RPGRIP1L: variants seen among roughly 807,000 people sequenced by gnomAD.
RPGRIP1L encodes protein fantom.
RPGRIP1L carries 131 observed loss-of-function variants against 160.4 expected under a neutral mutation model. That is an observed-to-expected ratio of 0.82 (90% confidence interval 0.71 to 0.94). The LOEUF (loss-of-function observed/expected upper bound fraction) is 0.94, where lower values mean the gene tolerates loss of function less well. Ranked by LOEUF, RPGRIP1L falls within the 40% of genes least tolerant of loss-of-function variation. RPGRIP1L has a pLI of 0.00. For synonymous variants in RPGRIP1L, 510 were observed against 515.8 expected (o/e 0.99, Z 0.15); for missense variants, 1,522 against 1,535.8 (o/e 0.99, Z 0.15).
chr16:53,646,021 T>A lies in RPGRIP1L; in HGVS notation c.2305-18A>T. ...TGACTTAACTGGAAAAACATACATA[T>A]TTATATTAAGGAAATAACACAGTTA... On this transcript the variant is annotated intron_variant, in intron 16 of 26. Coordinates refer to ENST00000647211, the MANE Select transcript of RPGRIP1L (RefSeq NM_015272.5). 6.2e-7 allele frequency: 1 copy of A among 1,612,084 alleles called. No homozygotes were observed. Among genetic ancestry groups the A allele is most frequent in the Non-Finnish European group, 8.5e-7 (1 of 1,178,222 alleles).
intron 3 of RPGRIP1L, chr16:53,694,919 A>G (rs917396875): frequency 3.6e-5 from 6 of 165,586 alleles, no homozygotes; most frequent in African/African-American, 1.2e-4. Context: ...CATAGTGTTC[A>G]TTGGATCATT....
intron 26 of RPGRIP1L, chr16:53,605,273 G>T: frequency 1.6e-6 from 1 of 612,376 alleles, no homozygotes; most frequent in East Asian, 2.7e-5. Context: ...TTTTACAATT[G>T]CTGTTGATTC....
intron 25 of RPGRIP1L, among the ~76,000 whole-genome samples, chr16:53,608,580 C>T (rs903699231): frequency 6.6e-6 from 1 of 152,070 alleles, no homozygotes; most frequent in East Asian, 1.9e-4. Context: ...GCAAATATAG[C>T]ATGGGGTGGC....
intron 26 of RPGRIP1L, chr16:53,605,251 C>T (rs1316485555): frequency 1.7e-6 from 1 of 602,632 alleles, no homozygotes; most frequent in African/African-American, 1.9e-5. Context: ...CCTTGTGAAG[C>T]TAAATTAATT....
intron 22 of RPGRIP1L, among the ~76,000 whole-genome samples, chr16:53,629,319 T>TG (rs1965368653): frequency 6.6e-6 from 1 of 152,188 alleles, no homozygotes; most frequent in South Asian, 2.1e-4. Context: ...CTATGGTTCT[T>TG]GCATTTTAGC....
chr16:53,637,558 T>A, intron 21 of RPGRIP1L, 137 bp downstream of exon 21: 1 of 758,828 alleles, frequency 1.3e-6, no homozygotes, highest in East Asian at 2.5e-5. Flanking sequence ...GGAACTATAT[T>A]CTATCATTTC....
At chr16:53,611,298 T>A (rs1466533129) in intron 24 of RPGRIP1L, among the ~76,000 whole-genome samples, 1 of 152,146 alleles carries the variant, frequency 6.6e-6, no homozygotes, top group Admixed American at 6.5e-5. Flanking sequence ...CATCTAAGAG[T>A]GCCACATCAC....
At chr16:53,672,213 T>C (rs1219686563) in intron 8 of RPGRIP1L, among the ~76,000 whole-genome samples, 1 of 152,198 alleles carries the variant, frequency 6.6e-6, no homozygotes, top group Non-Finnish European at 1.5e-5. Context: ...CTAGTATTTA[T>C]TTTTAAGTTT....
At chr16:53,628,251 G>A (rs1050140314) in intron 22 of RPGRIP1L, 4 of 152,116 alleles carry the variant, frequency 2.6e-5, no homozygotes, top group African/African-American at 9.7e-5. Flanking sequence ...CAAGATCTAT[G>A]TCAATGCTTT....
intron 18 of RPGRIP1L, 34 bp downstream of exon 18, chr16:53,641,251 A>G: frequency 6.3e-7 from 1 of 1,597,010 alleles, no homozygotes; most frequent in Non-Finnish European, 8.6e-7. Flanking sequence ...AAAATTTTAT[A>G]CTTGTAAAAA....
chr16:53,658,301 G>A, intron 12 of RPGRIP1L, 113 bp downstream of exon 12: 1 of 815,618 alleles, frequency 1.2e-6, no homozygotes, highest in South Asian at 1.4e-5. Context: ...CTAAGTTTCA[G>A]AAGATGCAAG....
At chr16:53,658,605 G>T (rs1967474266) in intron 11 of RPGRIP1L, 141 bp from the exon 12 acceptor site, 2 of 861,650 alleles carry the variant, frequency 2.3e-6, no homozygotes, top group South Asian at 1.4e-5. Flanking sequence ...ACATTCCAGT[G>T]CTTCAAAATG....
rs1307023675 is a variant in RPGRIP1L, at chr16:53,656,519, T to C, written c.1652A>G (p.Tyr551Cys). 1.9e-6 allele frequency: 3 copies of C among 1,613,924 alleles called. No individual in the cohort carries two copies. Among genetic ancestry groups the C allele is most frequent in the African/African-American group, 1.3e-5 (1 of 74,928 alleles). Reference sequence around the variant, plus strand: ...AGCCCTGATATCAAGAAGATGAACATACTGTTCCACTTTGAGTTCATAATC... The same window carrying C: ...AGCCCTGATATCAAGAAGATGAACACACTGTTCCACTTTGAGTTCATAATC... ...QQDYELKVEQ[Y>C]VHLLDIRAAR... Residue 551 changes from tyrosine (Y) to cysteine (C), a missense_variant, in exon 14 of 27, where the codon TAT (tyrosine) becomes TGT (cysteine). By Grantham distance (194) the Tyr-to-Cys change is radical. Transcript: ENST00000647211.
In RPGRIP1L at chr16:53,625,916, G is replaced by C. The variant is rs1209259849; in HGVS notation, c.3295-3560C>G. Among the ~76,000 whole-genome samples, 5 of 151,880 alleles carry C rather than the reference G, an allele frequency of 3.3e-5. No individual in the cohort carries two copies. The East Asian group carries it at 5.8e-4, about 18-fold the overall frequency. On this transcript the variant is annotated intron_variant, in intron 22 of 26. Transcript: ENST00000647211. ...ATGGATTAAGGGCGGTGCAAGATGT[G>C]CTTTGTTAAACAGATGCTTGAAGGC...
intron 2 of RPGRIP1L, among the ~76,000 whole-genome samples, chr16:53,697,333 C>T (rs1281104940): frequency 6.6e-6 from 1 of 151,608 alleles, no homozygotes; most frequent in Non-Finnish European, 1.5e-5. Flanking sequence ...CTCTCCCTCT[C>T]CCTCTCCCCA....
intron 9 of RPGRIP1L, among the ~76,000 whole-genome samples, chr16:53,669,768 T>C (rs933355157): frequency 2.0e-5 from 3 of 152,186 alleles, no homozygotes; most frequent in African/African-American, 7.2e-5. Context: ...TTTCTGGATG[T>C]ATAACAGTTC....
At chr16:53,619,241 GAAAT>G in intron 23 of RPGRIP1L, 33 bp from the exon 24 acceptor site, 1 of 1,583,464 alleles carries the variant, frequency 6.3e-7, no homozygotes, top group Non-Finnish European at 8.7e-7. Flanking sequence ...AAACAACAAA[GAAAT>G]AAAATAATTG....
At chr16:53,649,209 A>G (rs1271854168) in intron 15 of RPGRIP1L, 94 bp from the exon 16 acceptor site, 3 of 1,026,744 alleles carry the variant, frequency 2.9e-6, no homozygotes, top group Non-Finnish European at 4.6e-6. Flanking sequence ...CATTAAAACT[A>G]TACATTTTAT....
chr16:53,663,930 A>G (rs1272886989), intron 10 of RPGRIP1L, among the ~76,000 whole-genome samples: 2 of 152,202 alleles, frequency 1.3e-5, no homozygotes, highest in Admixed American at 1.3e-4. Flanking sequence ...CCTTATAGTC[A>G]GTGAAATATG....
Sources: gnomAD v4.1 joint callset for allele counts (sites outside exome capture counted in the v4.1 genomes callset) on GRCh38, gnomAD v4.1.1 for gene constraint, MANE v1.5 for transcripts, NCBI Gene and HGNC (gene_info 2026-07-23, HGNC 2026-07-21) for gene names.